Variants in GALNT13 observed in about 807,000 individuals in gnomAD.
The protein encoded by GALNT13 is polypeptide N-acetylgalactosaminyltransferase 13.
In GALNT13, 28 loss-of-function variants were observed where a neutral mutation model predicts 64.2. That is an observed-to-expected ratio of 0.44 (90% CI 0.32 to 0.60). GALNT13 has a LOEUF of 0.60. GALNT13 is among the 20% of genes least tolerant of loss of function. GALNT13 has a pLI of 0.05. For missense variants in GALNT13, 577 were observed against 669.8 expected (o/e 0.86, Z 1.53); for synonymous variants, 214 against 224.6 (o/e 0.95, Z 0.42).
At chr2:153,718,205 A>T in the GALNT13 span, among the ~76,000 whole-genome samples, 1 of 152,178 alleles carries the variant, frequency 6.6e-6, no homozygotes, top group Non-Finnish European at 1.5e-5. Flanking sequence ...ATGCTTAAAA[A>T]AAAGCTAGGA....
the GALNT13 span, among the ~76,000 whole-genome samples, chr2:153,788,554 A>C: frequency 2.6e-5 from 4 of 152,188 alleles, no homozygotes; most frequent in Non-Finnish European, 5.9e-5. Flanking sequence ...AAGTTGACAT[A>C]ATAAACAGCT....
At chr2:153,071,697 C>A in the GALNT13 span, among the ~76,000 whole-genome samples, 1 of 152,112 alleles carries the variant, frequency 6.6e-6, no homozygotes, top group South Asian at 2.1e-4. Flanking sequence ...GAACATAATC[C>A]CCTTTCTGAA....
intron 8 of GALNT13, among the ~76,000 whole-genome samples, chr2:154,271,923 G>T (rs567763341): frequency 3.6e-4 from 54 of 151,720 alleles, no homozygotes; most frequent in African/African-American, 1.2e-3. Context: ...AATGGTACTC[G>T]CAAGACATCC....
At chr2:153,232,926 T>G in the GALNT13 span, among the ~76,000 whole-genome samples, 2 of 152,130 alleles carry the variant, frequency 1.3e-5, no homozygotes, top group African/African-American at 4.8e-5. Flanking sequence ...TTATGTCTCT[T>G]TGAAAAAGAT....
At chr2:153,652,863 A>G in the GALNT13 span, among the ~76,000 whole-genome samples, 1 of 152,180 alleles carries the variant, frequency 6.6e-6, no homozygotes, top group Admixed American at 6.5e-5. Context: ...TTATAGGTGA[A>G]TCAGTAAAAA....
chr2:154,274,297 G>A (rs1691517685), intron 8 of GALNT13, among the ~76,000 whole-genome samples: 1 of 152,136 alleles, frequency 6.6e-6, no homozygotes, highest in Non-Finnish European at 1.5e-5. Context: ...TGTGGTCTAA[G>A]ACATTCATGG....
chr2:153,712,416 T>C, the GALNT13 span, among the ~76,000 whole-genome samples: 1 of 152,168 alleles, frequency 6.6e-6, no homozygotes, highest in East Asian at 1.9e-4. Flanking sequence ...CCTAGGTTCT[T>C]ATCAACATTG....
chr2:153,375,308 T>C, the GALNT13 span, among the ~76,000 whole-genome samples: 1 of 152,168 alleles, frequency 6.6e-6, no homozygotes, highest in South Asian at 2.1e-4. Flanking sequence ...GCTTATCAAA[T>C]TTAAAAAAAT....
the GALNT13 span, among the ~76,000 whole-genome samples, chr2:153,782,413 G>A: frequency 6.6e-6 from 1 of 152,038 alleles, no homozygotes. Context: ...TTCCTGTAAT[G>A]AATACTGTAG....
At chr2:154,182,192 C>T (rs1685996973) in intron 4 of GALNT13, among the ~76,000 whole-genome samples, 1 of 152,126 alleles carries the variant, frequency 6.6e-6, no homozygotes, top group Non-Finnish European at 1.5e-5. Context: ...GTGCTAGTAA[C>T]TTGAGAAATA....
the GALNT13 span, among the ~76,000 whole-genome samples, chr2:153,856,141 A>G: frequency 1.3e-5 from 2 of 152,262 alleles, no homozygotes; most frequent in Admixed American, 6.5e-5. Context: ...TTCTAGACAT[A>G]GTTGTGGTGA....
At chr2:153,550,604 A>C in the GALNT13 span, among the ~76,000 whole-genome samples, 1 of 152,136 alleles carries the variant, frequency 6.6e-6, no homozygotes, top group African/African-American at 2.4e-5. Flanking sequence ...TGTAGGTATC[A>C]CTGTTCATCA....
intron 2 of GALNT13, among the ~76,000 whole-genome samples, chr2:153,914,007 T>A (rs1689160601): frequency 6.6e-6 from 1 of 152,232 alleles, no homozygotes; most frequent in Non-Finnish European, 1.5e-5. Context: ...TATAGTAGAT[T>A]GTAAACTCAT....
the GALNT13 span, among the ~76,000 whole-genome samples, chr2:153,455,722 G>A: frequency 6.6e-6 from 1 of 152,132 alleles, no homozygotes; most frequent in Non-Finnish European, 1.5e-5. Flanking sequence ...TAACAGTTCA[G>A]TGAACCCTTT....
chr2:153,592,497 T>C, the GALNT13 span, among the ~76,000 whole-genome samples: 1 of 152,220 alleles, frequency 6.6e-6, no homozygotes, highest in South Asian at 2.1e-4. Context: ...ATACCCACTA[T>C]GGATTACTAT....
At chr2:153,281,890 A>T in the GALNT13 span, among the ~76,000 whole-genome samples, 1 of 149,856 alleles carries the variant, frequency 6.7e-6, no homozygotes, top group Non-Finnish European at 1.5e-5. Context: ...TCTTCATTTC[A>T]TATAATATCA....
chr2:153,971,436 G>A lies in GALNT13; in HGVS notation c.142+26797G>A, dbSNP rs140762337. Reference sequence around the variant, plus strand: ...TGCTGTATCTCCAGTGTCTAGAAGCGCTTGACACATCAGATATGTGAATGA... The same window carrying A: ...TGCTGTATCTCCAGTGTCTAGAAGCACTTGACACATCAGATATGTGAATGA... On this transcript the variant is annotated intron_variant, in intron 3 of 12. Coordinates refer to ENST00000392825, the MANE Select transcript of GALNT13 (RefSeq NM_052917.4). Among the ~76,000 whole-genome samples, 159 of 152,136 alleles carry A rather than the reference G, an allele frequency of 1.0e-3. 2 individuals are homozygous for A. In the East Asian group the frequency reaches 0.026, roughly 25 times the overall value.
chr2:153,183,804 C>T, the GALNT13 span, among the ~76,000 whole-genome samples: 1 of 152,062 alleles, frequency 6.6e-6, no homozygotes, highest in Non-Finnish European at 1.5e-5. Context: ...TTTCTGAGTC[C>T]TCTCTTTTGT....
intron 9 of GALNT13, among the ~76,000 whole-genome samples, chr2:154,379,792 C>T (rs1454138393): frequency 6.6e-6 from 1 of 151,948 alleles, no homozygotes; most frequent in African/African-American, 2.4e-5. Flanking sequence ...TCAGTAAATA[C>T]TGAATCCTGG....
Sources: gnomAD v4.1 joint callset for allele counts (sites outside exome capture counted in the v4.1 genomes callset) on GRCh38, gnomAD v4.1.1 for gene constraint, MANE v1.5 for transcripts, NCBI Gene and HGNC (gene_info 2026-07-23, HGNC 2026-07-21) for gene names.